Variants in CTNS observed in about 807,000 individuals in gnomAD.
The protein encoded by CTNS is cystinosin.
In CTNS, 27 loss-of-function variants were observed where a neutral mutation model predicts 43.7. The ratio of observed to expected loss-of-function variants is 0.62; its 90% CI spans 0.46 to 0.85. The LOEUF is 0.85. CTNS is among the 40% of genes least tolerant of loss of function. The probability of loss-of-function intolerance (pLI) is 0.00; values close to 1 mark genes in which losing one functional copy is unlikely to be tolerated. For missense variants in CTNS, 457 were observed against 475.4 expected (o/e 0.96, Z 0.36); for synonymous variants, 187 against 190.6 (o/e 0.98, Z 0.16).
Position 3,660,338 on chromosome 17 carries a change from G to GA in CTNS, c.1076dup (p.Arg360GlufsTer5). The GA allele has an allele frequency of 6.2e-7, 1 of 1,614,236 alleles. No individual in the cohort carries two copies. The highest frequency in any genetic ancestry group is 8.5e-7 in the Non-Finnish European group (1 of 1,180,052). On this transcript the variant is annotated frameshift_variant, in exon 12 of 12. Coordinates refer to ENST00000046640, the MANE Select transcript of CTNS (RefSeq NM_004937.3). LOFTEE classifies it high-confidence loss of function. ...TTCATCCAGCACTTCTGTTTGTACAGAAAGAGACCGGGGTATGACCAGCTG... is the reference window on the plus strand; with the variant it reads ...TTCATCCAGCACTTCTGTTTGTACAGAAAAGAGACCGGGGTATGACCAGCTG...
rs372212611 is a variant in CTNS at position 3,660,067 on chromosome 17, C to A, written c.970+92C>A. ...GACCTTCCAGCCAGGGCTCCACCCC[C>A]ACCTGGGATCCAAGCCAATCCAGCC... On this transcript the variant is annotated intron_variant, in intron 11 of 11. Transcript: ENST00000046640. The A allele has an allele frequency of 1.2e-4, 174 of 1,435,278 alleles. 1 individual carries two copies. The South Asian group carries it at 1.9e-3, about 16-fold the overall frequency. 88.9% of individuals were successfully genotyped at this position (1,435,278 alleles called of 1,614,324 possible).
Position 3,661,014 on chromosome 17 carries a change from A to C in CTNS, c.*645A>C. 1 of 507,214 alleles carries C rather than the reference A, an allele frequency of 2.0e-6. No homozygotes were observed. The highest frequency in any genetic ancestry group is 3.6e-6 in the Non-Finnish European group (1 of 278,778). 31.4% of individuals were successfully genotyped at this position (507,214 alleles called of 1,614,324 possible). ...TCTGAATTGGATTCATGCCCAGCGC[A>C]TTAGCATAGTAACTCCTTTCAGATT... is the stretch of plus-strand genomic sequence containing the variant. On this transcript the variant is annotated 3_prime_UTR_variant, in exon 12 of 12. Coordinates refer to ENST00000046640, the MANE Select transcript of CTNS (RefSeq NM_004937.3).
intron 7 of CTNS, 52 bp from the exon 8 acceptor site, chr17:3,656,435 A>T: frequency 2.0e-6 from 2 of 983,472 alleles, no homozygotes; most frequent in Non-Finnish European, 2.8e-6. Context: ...CTGTCCCTCC[A>T]CCCCTGCCAG....
intron 2 of CTNS, 127 bp from the exon 3 acceptor site, chr17:3,640,061 C>T (rs1304936002): frequency 1.3e-6 from 1 of 782,308 alleles, no homozygotes. Flanking sequence ...ATGCAAAGCC[C>T]TGAGGTCACA....
intron 5 of CTNS, among the ~76,000 whole-genome samples, chr17:3,651,157 C>T (rs912783565): frequency 3.3e-5 from 5 of 151,912 alleles, no homozygotes; most frequent in Admixed American, 6.6e-5. Flanking sequence ...TGCAATGGCG[C>T]AATCTCAGCT....
chr17:3,660,732 T>C lies in CTNS; in HGVS notation c.*363T>C. On this transcript the variant is annotated 3_prime_UTR_variant, in exon 12 of 12. Coordinates refer to ENST00000046640, the MANE Select transcript of CTNS (RefSeq NM_004937.3). ...CGTTTCTGCAAGCAGCTTGAAGGGCTGACCTTGCAGCCGGGTGAGCCAAGG... is the reference window on the plus strand; with the variant it reads ...CGTTTCTGCAAGCAGCTTGAAGGGCCGACCTTGCAGCCGGGTGAGCCAAGG... The C allele has an allele frequency of 1.2e-6, 2 of 1,613,466 alleles. No individual in the cohort carries two copies. The highest frequency in any genetic ancestry group is 1.7e-6 in the Non-Finnish European group (2 of 1,180,030).
chr17:3,646,522 C>T (rs924884219), intron 3 of CTNS, among the ~76,000 whole-genome samples: 3 of 152,216 alleles, frequency 2.0e-5, no homozygotes, highest in African/African-American at 7.2e-5. Context: ...CCTCTGACCT[C>T]GTGATCCACC....
At chr17:3,654,700 A>G (rs1048015955) in intron 5 of CTNS, among the ~76,000 whole-genome samples, 34 of 143,690 alleles carry the variant, frequency 2.4e-4, no homozygotes, top group African/African-American at 6.0e-4. Context: ...AAAAAAAAGG[A>G]AAGTCTCACT....
rs1289841919 is a variant in CTNS, at chr17:3,658,283, G to T, written c.852+108G>T. On this transcript the variant is annotated intron_variant, in intron 10 of 11. Transcript: ENST00000046640. ...TCCTGCCGGCGTGAGGAAACAGGAC[G>T]GAAAGCCACAGGGAGCCCGGGAGCC... 1.0e-5 allele frequency: 15 copies of T among 1,459,830 alleles called. No individual in the cohort carries two copies. In the East Asian group the frequency reaches 3.6e-4, roughly 35 times the overall value. 90.4% of individuals were successfully genotyped at this position (1,459,830 alleles called of 1,614,324 possible). A position where few individuals can be genotyped will look rare whatever the true frequency, so the allele number is the denominator to read the frequency against.
At chr17:3,659,420 G>C (rs1349880848) in intron 10 of CTNS, among the ~76,000 whole-genome samples, 1 of 152,214 alleles carries the variant, frequency 6.6e-6, no homozygotes, top group East Asian at 1.9e-4. Context: ...TCCGGTGATG[G>C]AGCCAGGATT....
rs2076200273 is a variant in CTNS at position 3,658,166 on chromosome 17, T to G, written c.843T>G (p.Tyr281Ter). 1 of 1,611,746 alleles carries G rather than the reference T, an allele frequency of 6.2e-7. No individual in the cohort carries two copies. Among genetic ancestry groups the G allele is most frequent in the African/African-American group, 1.3e-5 (1 of 74,852 alleles). ...AGCTCGCAGTCACGCTGGTCAAGTA[T>G]TTTCCACAGGTACCTCCAGGGCCCT... ...YIKLAVTLVKYFPQAYMNFYY... is the reference protein window; with the variant it reads ...YIKLAVTLVK The change falls in exon 10 of 12, where the codon TAT becomes TAG. Residue 281 changes from tyrosine to a stop codon, truncating the protein, a stop_gained. Transcript: ENST00000046640. LOFTEE classifies it high-confidence loss of function.
rs113994210 is a variant in CTNS at position 3,659,855 on chromosome 17, C to T, written c.853-3C>T. The stretch of plus-strand genomic sequence containing the variant: ...CGTCTGTCTGTCCGTCTGTCTGGCC[C>T]AGGCCTACATGAACTTTTACTACAA... On this transcript the variant is annotated splice_region_variant and splice_polypyrimidine_tract_variant and intron_variant, in intron 10 of 11. Coordinates refer to ENST00000046640, the MANE Select transcript of CTNS (RefSeq NM_004937.3). The T allele has an allele frequency of 1.9e-6, 3 of 1,611,522 alleles. No individual in the cohort carries two copies. The East Asian group carries it at 6.7e-5, about 36-fold the overall frequency.
intron 5 of CTNS, among the ~76,000 whole-genome samples, chr17:3,650,883 A>G (rs546389217): frequency 1.3e-3 from 194 of 152,152 alleles, no homozygotes; most frequent in Non-Finnish European, 1.9e-3. Context: ...GCTCCCTGCA[A>G]CCTCTGCCTC....
At position 3,660,497 on chromosome 17, in the gene CTNS, C is replaced by T; in HGVS notation, c.*128C>T. ...TGGCTCAGTGTGCGGACAGAGGAGA[C>T]CACTCTGCTCCTGGGGCCAGAGGCC... On this transcript the variant is annotated 3_prime_UTR_variant, in exon 12 of 12. Transcript: ENST00000046640. 2.5e-6 allele frequency: 4 copies of T among 1,612,540 alleles called. No individual in the cohort carries two copies. The highest frequency in any genetic ancestry group is 3.4e-6 in the Non-Finnish European group (4 of 1,179,934).
chr17:3,649,520 G>A (rs1358021009), intron 5 of CTNS, among the ~76,000 whole-genome samples: 1 of 151,242 alleles, frequency 6.6e-6, no homozygotes, highest in Non-Finnish European at 1.5e-5. Flanking sequence ...TCAAGGACCA[G>A]AGAATTGGGC....
At chr17:3,651,978 A>AAG (rs377227211) in intron 5 of CTNS, among the ~76,000 whole-genome samples, 14 of 149,684 alleles carry the variant, frequency 9.4e-5, no homozygotes, top group African/African-American at 3.0e-4. Flanking sequence ...TGTCTCAAAA[A>AAG]AAAAGAAAAG....
At chr17:3,648,209 C>T (rs2075890791) in intron 4 of CTNS, among the ~76,000 whole-genome samples, 1 of 152,204 alleles carries the variant, frequency 6.6e-6, no homozygotes, top group Non-Finnish European at 1.5e-5. Flanking sequence ...AGCTTTGGTT[C>T]CGAGGCCCCT....
intron 3 of CTNS, among the ~76,000 whole-genome samples, chr17:3,646,276 C>A (rs562438628): frequency 6.8e-6 from 1 of 146,168 alleles, no homozygotes; most frequent in South Asian, 2.2e-4. Flanking sequence ...GTTGGCCTTG[C>A]AAGAGGGTTT....
rs776104111 is a variant in CTNS, at chr17:3,655,258, A to G, written c.367A>G (p.Ile123Val). 6 of 1,614,212 alleles carry G rather than the reference A, an allele frequency of 3.7e-6. No individual in the cohort carries two copies. The Admixed American group carries it at 5.0e-5, about 13-fold the overall frequency. The change falls in exon 7 of 12, where the codon ATT (isoleucine) becomes GTT (valine). Residue 123 changes from isoleucine (I) to valine (V), a missense_variant. By Grantham distance (29) the Ile-to-Val change is conservative. Transcript: ENST00000046640. The stretch of plus-strand genomic sequence containing the variant: ...CTTTCTTGTGATCCGCAGCAGCGCC[A>G]TTAGCATCATAAACCAGGTGATTGG... The part of the protein sequence containing the change: ...IRFLVIRSSA[I>V]SIINQVIGWI...
Sources: allele counts gnomAD v4.1 joint callset (sites outside exome capture counted in the v4.1 genomes callset), GRCh38; gene constraint gnomAD v4.1.1; transcripts MANE v1.5; gene names NCBI Gene and HGNC (gene_info 2026-07-23, HGNC 2026-07-21).